BRINP3: variants seen among roughly 807,000 people sequenced by gnomAD.
BRINP3 encodes BMP/retinoic acid inducible neural specific 3.
A neutral mutation model predicts 71.0 loss-of-function variants in BRINP3; 19 were observed. The observed-to-expected ratio is 0.27, with a 90% CI of 0.19 to 0.39. The LOEUF (loss-of-function observed/expected upper bound fraction) is 0.39. Ranked by LOEUF, BRINP3 falls within the 10% of genes least tolerant of loss-of-function variation. The pLI is 1.00. For synonymous variants in BRINP3, 380 were observed against 337.7 expected (o/e 1.13, Z -1.37); for missense variants, 959 against 940.8 (o/e 1.02, Z -0.25).
At chr1:190,324,087 A>G (rs1057227381) in intron 2 of BRINP3, among the ~76,000 whole-genome samples, 1 of 151,962 alleles carries the variant, frequency 6.6e-6, no homozygotes, top group Admixed American at 6.6e-5. Flanking sequence ...AAAAGTAGGA[A>G]GAACACTAGA....
intron 6 of BRINP3, among the ~76,000 whole-genome samples, chr1:190,222,011 C>T (rs771053685): frequency 6.6e-5 from 10 of 151,696 alleles, no homozygotes; most frequent in Non-Finnish European, 1.3e-4. Context: ...ACATATCATC[C>T]AGACAGAAAA....
chr1:190,472,326 T>C (rs1410719564), intron 1 of BRINP3, among the ~76,000 whole-genome samples: 3 of 151,580 alleles, frequency 2.0e-5, no homozygotes, highest in Non-Finnish European at 4.4e-5. Context: ...CACTCTACTT[T>C]TCCCAATAAC....
At chr1:190,472,501 G>A (rs1417517170) in intron 1 of BRINP3, among the ~76,000 whole-genome samples, 1 of 151,392 alleles carries the variant, frequency 6.6e-6, no homozygotes, top group Non-Finnish European at 1.5e-5. Context: ...AACACAAGTT[G>A]GTGTCATATT....
Position 190,147,892 on chromosome 1 carries a change from G to A in BRINP3, c.1184+12776C>T, listed in dbSNP as rs369231790. ...GTCTGCCTTAGGTTACTTCCATCTA[G>A]AAATAAACAGGCCTGGATGTATGAT... is the stretch of plus-strand genomic sequence containing the variant. On this transcript the variant is annotated intron_variant, in intron 7 of 7. Coordinates refer to ENST00000367462, the MANE Select transcript of BRINP3 (RefSeq NM_199051.3). 4.6e-5 allele frequency among the ~76,000 whole-genome samples: 7 copies of A among 152,184 alleles called. No homozygotes were observed. In the East Asian group the frequency reaches 9.7e-4, roughly 21 times the overall value.
At chr1:190,390,915 G>A (rs757401383) in intron 2 of BRINP3, among the ~76,000 whole-genome samples, 25 of 151,818 alleles carry the variant, frequency 1.6e-4, no homozygotes, top group African/African-American at 5.3e-4. Flanking sequence ...GGGAGTCCCC[G>A]GCTTTTTGTA....
intron 6 of BRINP3, among the ~76,000 whole-genome samples, chr1:190,198,729 T>C (rs1186705294): frequency 2.0e-5 from 3 of 151,994 alleles, no homozygotes; most frequent in Non-Finnish European, 4.4e-5. Flanking sequence ...TCAGTCTCGA[T>C]ATTATTGTTC....
intron 4 of BRINP3, among the ~76,000 whole-genome samples, chr1:190,262,064 A>T (rs1571555131): frequency 6.6e-6 from 1 of 152,166 alleles, no homozygotes; most frequent in East Asian, 1.9e-4. Context: ...ACATTTGATA[A>T]GTAATAAAAA....
chr1:190,316,175 CA>C (rs1665868630), intron 2 of BRINP3, among the ~76,000 whole-genome samples: 1 of 151,704 alleles, frequency 6.6e-6, no homozygotes, highest in Non-Finnish European at 1.5e-5. Flanking sequence ...TTCAGAATGA[CA>C]AAAAAAGGTT....
intron 2 of BRINP3, among the ~76,000 whole-genome samples, chr1:190,328,322 A>C (rs1291805164): frequency 6.6e-6 from 1 of 152,266 alleles, no homozygotes; most frequent in African/African-American, 2.4e-5. Context: ...AGATTAGCAA[A>C]GAAAAATACA....
intron 2 of BRINP3, among the ~76,000 whole-genome samples, chr1:190,343,465 A>G (rs570248820): frequency 9.9e-5 from 15 of 151,910 alleles, no homozygotes; most frequent in African/African-American, 3.6e-4. Context: ...TCCAAAACTC[A>G]GCTTACTTAA....
chr1:190,230,576 T>G (rs1657874280), intron 5 of BRINP3, among the ~76,000 whole-genome samples: 1 of 151,866 alleles, frequency 6.6e-6, no homozygotes, highest in African/African-American at 2.4e-5. Flanking sequence ...TGAAATATAA[T>G]TCCTGTTGAT....
At chr1:190,203,260 T>C (rs1340959342) in intron 6 of BRINP3, among the ~76,000 whole-genome samples, 1 of 152,032 alleles carries the variant, frequency 6.6e-6, no homozygotes, top group East Asian at 1.9e-4. Context: ...GCTTTATAAT[T>C]CATTGAGAAC....
chr1:190,270,487 T>A (rs1662010975), intron 3 of BRINP3, among the ~76,000 whole-genome samples: 1 of 151,798 alleles, frequency 6.6e-6, no homozygotes, highest in Non-Finnish European at 1.5e-5. Context: ...ATTTTTGGAA[T>A]ATATTCTGAA....
chr1:190,362,011 A>G (rs1449822370), intron 2 of BRINP3: 1 of 152,104 alleles, frequency 6.6e-6, no homozygotes, highest in Non-Finnish European at 1.5e-5. Flanking sequence ...ACTCTTATTA[A>G]AAAAGATACC....
At chr1:190,458,032 A>T (rs1255710949) in intron 1 of BRINP3, among the ~76,000 whole-genome samples, 1 of 152,080 alleles carries the variant, frequency 6.6e-6, no homozygotes, top group Non-Finnish European at 1.5e-5. Context: ...ATGCATTTTA[A>T]CATATGGGAA....
At chr1:190,328,156 A>G (rs1252333423) in intron 2 of BRINP3, among the ~76,000 whole-genome samples, 3 of 152,126 alleles carry the variant, frequency 2.0e-5, no homozygotes, top group Non-Finnish European at 4.4e-5. Flanking sequence ...GGAACTAGAA[A>G]AAGAAACAAA....
chr1:190,098,916 A>C lies in BRINP3; in HGVS notation c.1403T>G (p.Met468Arg), dbSNP rs995782199. 1 of 1,614,090 alleles carries C rather than the reference A, an allele frequency of 6.2e-7. No individual in the cohort carries two copies. Among genetic ancestry groups the C allele is most frequent in the Non-Finnish European group, 8.5e-7 (1 of 1,180,046 alleles). Residue 468 changes from methionine (M) to arginine (R), a missense_variant, in exon 8 of 8, where the codon ATG (methionine) becomes AGG (arginine). Physicochemically the swap from Met to Arg is moderately conservative, Grantham distance 91. Transcript: ENST00000367462. ...TRCGTCNTGY[M>R]LSQGLCKPEV... ...AGGCTTGCAGAGCCCCTGGCTGAGC[A>C]TGTAGCCGGTGTTGCAGGTGCCGCA... is the stretch of plus-strand genomic sequence containing the variant.
At chr1:190,442,940 T>C (rs563869021) in intron 2 of BRINP3, among the ~76,000 whole-genome samples, 2 of 150,174 alleles carry the variant, frequency 1.3e-5, no homozygotes. Context: ...CGACGGAGTT[T>C]CGCTTTTGTT....
At chr1:190,436,497 G>T (rs553322856) in intron 2 of BRINP3, among the ~76,000 whole-genome samples, 6 of 151,604 alleles carry the variant, frequency 4.0e-5, no homozygotes, top group Admixed American at 3.9e-4. Flanking sequence ...TAAATTATAA[G>T]ATCCAAAAAA....
Sources: gnomAD v4.1 joint callset for allele counts (sites outside exome capture counted in the v4.1 genomes callset) on GRCh38, gnomAD v4.1.1 for gene constraint, MANE v1.5 for transcripts, NCBI Gene and HGNC (gene_info 2026-07-23, HGNC 2026-07-21) for gene names.